DNAH11: variants seen among roughly 807,000 people sequenced by gnomAD.
DNAH11 encodes dynein axonemal heavy chain 11, also known as axonemal beta dynein heavy chain 11.
In DNAH11, 442 loss-of-function variants were observed where a neutral mutation model predicts 526.0. That is an observed-to-expected ratio of 0.84 (90% CI 0.78 to 0.91). DNAH11 has a LOEUF of 0.91. Ranked by LOEUF, DNAH11 falls within the 40% of genes least tolerant of loss-of-function variation. The probability of loss-of-function intolerance (pLI) is 0.00; values close to 1 mark genes in which losing one functional copy is unlikely to be tolerated. For missense variants in DNAH11, 6,989 were observed against 5,448.7 expected (o/e 1.28, Z -8.90); for synonymous variants, 2,461 against 1,935.9 (o/e 1.27, Z -7.12).
chr7:21,745,754 A>T (rs1020161675), intron 51 of DNAH11, among the ~76,000 whole-genome samples: 1 of 152,264 alleles, frequency 6.6e-6, no homozygotes, highest in African/African-American at 2.4e-5. Flanking sequence ...GTGTCATGCC[A>T]AGAAGGAAAA....
At chr7:21,750,434 GT>G (rs1203769979) in intron 54 of DNAH11, 70 bp downstream of exon 54, 3 of 1,523,008 alleles carry the variant, frequency 2.0e-6, no homozygotes, top group Non-Finnish European at 2.6e-6. Context: ...TCTATTCTGA[GT>G]TTTTTATTAT....
At position 21,748,761 on chromosome 7, in the gene DNAH11, C is replaced by G. The variant is rs1465138090; in HGVS notation, c.8673+19C>G. ...ACTTCGGGTGAGTCAAGGGGACAGG[C>G]AGTTCTTCTGACCCTTCTGCTTGGC... On this transcript the variant is annotated intron_variant, in intron 52 of 81. Transcript: ENST00000409508. The G allele has an allele frequency of 3.1e-6, 5 of 1,606,920 alleles. No homozygotes were observed. In the African/African-American group the frequency reaches 4.0e-5, roughly 13 times the overall value.
rs148376856 is a variant in DNAH11 at position 21,755,508 on chromosome 7, A to G, written c.8940+5144A>G. 2.6e-5 allele frequency among the ~76,000 whole-genome samples: 4 copies of G among 151,732 alleles called. No individual in the cohort carries two copies. The East Asian group carries it at 5.8e-4, about 22-fold the overall frequency. Reference sequence around the variant, plus strand: ...TATTTGCCTCATTATCTTTCTAAGTATATATATATATAGTTATCCATTTCT... The same window carrying G: ...TATTTGCCTCATTATCTTTCTAAGTGTATATATATATAGTTATCCATTTCT... On this transcript the variant is annotated intron_variant, in intron 54 of 81. Coordinates refer to ENST00000409508, the MANE Select transcript of DNAH11 (RefSeq NM_001277115.2).
At chr7:21,786,031 T>C (rs1788161865) in intron 58 of DNAH11, among the ~76,000 whole-genome samples, 1 of 152,180 alleles carries the variant, frequency 6.6e-6, no homozygotes, top group Non-Finnish European at 1.5e-5. Context: ...ATACATATAA[T>C]TTATACTATT....
chr7:21,759,519 G>T (rs1352720950), intron 54 of DNAH11, among the ~76,000 whole-genome samples: 1 of 152,186 alleles, frequency 6.6e-6, no homozygotes, highest in Non-Finnish European at 1.5e-5. Flanking sequence ...AAGGTTTTCT[G>T]CACTAAACCT....
chr7:21,687,361 G>C (rs943612142), intron 33 of DNAH11, 21 bp from the exon 34 acceptor site: 2 of 1,593,724 alleles, frequency 1.3e-6, no homozygotes, highest in Non-Finnish European at 1.7e-6. Flanking sequence ...TAAATTCTGA[G>C]TGCCTCACTT....
At chr7:21,681,990 C>T (rs1230643532) in intron 31 of DNAH11, among the ~76,000 whole-genome samples, 1 of 152,176 alleles carries the variant, frequency 6.6e-6, no homozygotes, top group African/African-American at 2.4e-5. Flanking sequence ...CCGTCTTGGT[C>T]ATTGGCCTGT....
chr7:21,602,882 A>AG (rs1785148242), intron 18 of DNAH11, among the ~76,000 whole-genome samples: 1 of 151,888 alleles, frequency 6.6e-6, no homozygotes, highest in Non-Finnish European at 1.5e-5. Flanking sequence ...TTTTTTATTG[A>AG]GGTGAAATGT....
chr7:21,851,397 C>G (rs143306659), intron 66 of DNAH11: 256 of 323,462 alleles, frequency 7.9e-4, no homozygotes, highest in African/African-American at 5.0e-3. Context: ...ATTACCCAGT[C>G]TCAGGAAGTC....
chr7:21,679,911 G>C (rs909345428), intron 30 of DNAH11, among the ~76,000 whole-genome samples: 2 of 152,062 alleles, frequency 1.3e-5, no homozygotes, highest in African/African-American at 4.8e-5. Flanking sequence ...GGGTACATGT[G>C]CACAACATGC....
intron 65 of DNAH11, among the ~76,000 whole-genome samples, chr7:21,824,472 A>T (rs1790188833): frequency 6.6e-6 from 1 of 152,170 alleles, no homozygotes; most frequent in Admixed American, 6.5e-5. Context: ...CAGTAAATAA[A>T]TATGTATTTA....
chr7:21,764,160 A>C (rs898780747), intron 54 of DNAH11, among the ~76,000 whole-genome samples: 1 of 152,194 alleles, frequency 6.6e-6, no homozygotes, highest in African/African-American at 2.4e-5. Flanking sequence ...TACACTTAAA[A>C]ATGTAAGAGG....
chr7:21,870,607 C>T (rs1022172394), intron 73 of DNAH11, among the ~76,000 whole-genome samples: 9 of 152,106 alleles, frequency 5.9e-5, no homozygotes, highest in Non-Finnish European at 4.4e-5. Context: ...CTGGAGAGAA[C>T]ACTAGGAGGG....
chr7:21,887,291 G>C (rs944199301), intron 76 of DNAH11, among the ~76,000 whole-genome samples: 9 of 152,310 alleles, frequency 5.9e-5, no homozygotes, highest in African/African-American at 2.2e-4. Context: ...GTGGGCTTTA[G>C]AGGGTCTCTG....
chr7:21,655,539 G>A (rs1781976030), intron 28 of DNAH11, among the ~76,000 whole-genome samples: 1 of 152,032 alleles, frequency 6.6e-6, no homozygotes, highest in Non-Finnish European at 1.5e-5. Flanking sequence ...CAGGAATATG[G>A]TACAGATAGA....
chr7:21,790,172 C>T (rs987790924), intron 61 of DNAH11, among the ~76,000 whole-genome samples: 1 of 151,998 alleles, frequency 6.6e-6, no homozygotes, highest in Non-Finnish European at 1.5e-5. Context: ...TTCGGCTCGG[C>T]GCAGTGGCTC....
rs865937855 is a variant in DNAH11 at position 21,744,995 on chromosome 7, G to A, written c.8442G>A (p.Thr2814=). ...TGCTGAAGACGATTCTTACAGAAAC[G>A]TTAGACAACTACAATGAACTAAATG... ...WEVLKTILTE[T]LDNYNELNAA... Residue 2814 remains threonine, a synonymous_variant, in exon 51 of 82, where the codon ACG becomes ACA. Transcript: ENST00000409508. 32 of 1,609,978 alleles carry A rather than the reference G, an allele frequency of 2.0e-5. 1 individual carries two copies. In the Middle Eastern group the frequency reaches 4.9e-4, roughly 25 times the overall value.
intron 4 of DNAH11, among the ~76,000 whole-genome samples, chr7:21,560,829 A>T (rs1397368317): frequency 5.3e-5 from 8 of 152,202 alleles, no homozygotes; most frequent in African/African-American, 1.9e-4. Context: ...ACACTCAATT[A>T]TAACTATCAC....
At chr7:21,635,201 G>C (rs1786801771) in intron 25 of DNAH11, among the ~76,000 whole-genome samples, 1 of 152,108 alleles carries the variant, frequency 6.6e-6, no homozygotes, top group Admixed American at 6.5e-5. Context: ...TGTTGCCCAG[G>C]CTTGGAGTGC....
Sources: gnomAD v4.1 joint callset for allele counts (sites outside exome capture counted in the v4.1 genomes callset) on GRCh38, gnomAD v4.1.1 for gene constraint, MANE v1.5 for transcripts, NCBI Gene and HGNC (gene_info 2026-07-23, HGNC 2026-07-21) for gene names.